DYTN: variants seen among roughly 807,000 people sequenced by gnomAD.
DYTN encodes the protein dystrotelin.
A neutral mutation model predicts 69.6 loss-of-function variants in DYTN; 75 were observed. The ratio of observed to expected loss-of-function variants is 1.08; its 90% CI spans 0.89 to 1.31. The LOEUF is 1.31. Among genes scored for constraint, DYTN ranks in the 50% most tolerant of loss-of-function variants. The pLI is 0.00. For missense variants in DYTN, 726 were observed against 688.4 expected (o/e 1.05, Z -0.61); for synonymous variants, 252 against 249.1 (o/e 1.01, Z -0.11).
At chr2:206,692,107 T>C (rs1177556390) in intron 9 of DYTN, among the ~76,000 whole-genome samples, 1 of 151,864 alleles carries the variant, frequency 6.6e-6, no homozygotes, top group African/African-American at 2.4e-5. Flanking sequence ...GAGACCCCCA[T>C]CTCTATAAAA....
chr2:206,703,075 C>T (rs1045716164), intron 5 of DYTN, among the ~76,000 whole-genome samples: 4 of 152,168 alleles, frequency 2.6e-5, no homozygotes, highest in Admixed American at 1.3e-4. Flanking sequence ...AAGACCTTCT[C>T]AGGAGCATAC....
rs1407838733 is a variant in DYTN at position 206,699,902 on chromosome 2, T to C, written c.556-12A>G. The stretch of plus-strand genomic sequence containing the variant: ...GCTGGGCTCAACACCTGAAAAACAA[T>C]GGCACTCTAAGATGTGTTTTTAGGC... On this transcript the variant is annotated splice_polypyrimidine_tract_variant and intron_variant, in intron 6 of 11. Transcript: ENST00000452335. 5 of 1,610,026 alleles carry C rather than the reference T, an allele frequency of 3.1e-6. No individual in the cohort carries two copies. The highest frequency in any genetic ancestry group is 4.2e-6 in the Non-Finnish European group (5 of 1,178,344).
intron 11 of DYTN, among the ~76,000 whole-genome samples, chr2:206,652,489 TTTAAC>T (rs1295915807): frequency 6.6e-6 from 1 of 152,210 alleles, no homozygotes; most frequent in Non-Finnish European, 1.5e-5. Flanking sequence ...ATGCATAATC[TTTAAC>T]TTAAAGAGTT....
At chr2:206,709,505 A>G (rs887514331) in intron 2 of DYTN, among the ~76,000 whole-genome samples, 11 of 151,996 alleles carry the variant, frequency 7.2e-5, no homozygotes, top group African/African-American at 2.4e-4. Context: ...GGTATGGAAA[A>G]TAGAGAAGGA....
intron 1 of DYTN, 84 bp downstream of exon 1, chr2:206,718,177 C>A: frequency 7.1e-7 from 1 of 1,406,518 alleles, no homozygotes; most frequent in Non-Finnish European, 9.5e-7. Context: ...TACTCTTCTT[C>A]AAATCAGAGG....
intron 9 of DYTN, among the ~76,000 whole-genome samples, chr2:206,690,338 G>C (rs1482778861): frequency 6.6e-6 from 1 of 152,206 alleles, no homozygotes; most frequent in Non-Finnish European, 1.5e-5. Context: ...GTGCAGTGGA[G>C]GACCAAGAGC....
intron 9 of DYTN, among the ~76,000 whole-genome samples, chr2:206,688,269 C>G (rs923372437): frequency 6.6e-6 from 1 of 152,158 alleles, no homozygotes; most frequent in African/African-American, 2.4e-5. Context: ...GCATTAAACT[C>G]ATGGTCAACA....
At position 206,699,957 on chromosome 2, in the gene DYTN, A is replaced by G; in HGVS notation, c.556-67T>C. 3 of 1,565,552 alleles carry G rather than the reference A, an allele frequency of 1.9e-6. No homozygotes were observed. In the South Asian group the frequency reaches 3.7e-5, roughly 19 times the overall value. On this transcript the variant is annotated intron_variant, in intron 6 of 11. Transcript: ENST00000452335. ...CTTGATATTTTCATTTTCTTTTCTG[A>G]CTCTAATTCTGTCAGTTCTGCTGAA...
intron 11 of DYTN, among the ~76,000 whole-genome samples, chr2:206,657,295 T>C (rs1427781445): frequency 6.6e-6 from 1 of 152,060 alleles, no homozygotes; most frequent in East Asian, 1.9e-4. Context: ...CAAAAATTTT[T>C]TGGTAAAGAT....
At chr2:206,679,279 C>T (rs1699724755) in intron 9 of DYTN, 1 of 152,140 alleles carries the variant, frequency 6.6e-6, no homozygotes, top group African/African-American at 2.4e-5. Context: ...TTTACTCACC[C>T]ACCCCCACAA....
At chr2:206,658,822 C>G (rs1699475837) in intron 11 of DYTN, among the ~76,000 whole-genome samples, 1 of 152,174 alleles carries the variant, frequency 6.6e-6, no homozygotes, top group South Asian at 2.1e-4. Context: ...TATCATCACT[C>G]TACTCCTCTG....
chr2:206,668,836 T>C (rs764897042), intron 9 of DYTN, among the ~76,000 whole-genome samples: 2 of 152,046 alleles, frequency 1.3e-5, no homozygotes, highest in African/African-American at 2.4e-5. Context: ...GTTCTCATGA[T>C]AGTGAGTGAG....
chr2:206,672,159 A>T (rs1206005589), intron 9 of DYTN, among the ~76,000 whole-genome samples: 1 of 152,220 alleles, frequency 6.6e-6, no homozygotes, highest in Non-Finnish European at 1.5e-5. Context: ...TATGGTTGAA[A>T]AGGACCTTAG....
At chr2:206,667,799 T>C (rs1412001499) in intron 9 of DYTN, among the ~76,000 whole-genome samples, 7 of 152,094 alleles carry the variant, frequency 4.6e-5, no homozygotes, top group Admixed American at 4.6e-4. Flanking sequence ...TAAAATTGTC[T>C]AAATAAAGTA....
At chr2:206,667,726 G>GTGTGTA (rs934911731) in intron 9 of DYTN, among the ~76,000 whole-genome samples, 4 of 151,280 alleles carry the variant, frequency 2.6e-5, no homozygotes, top group African/African-American at 9.7e-5. Context: ...GTGTGTGTGT[G>GTGTGTA]TGTGTTGACA....
chr2:206,685,305 G>A (rs969636349), intron 9 of DYTN, among the ~76,000 whole-genome samples: 2 of 151,970 alleles, frequency 1.3e-5, no homozygotes, highest in African/African-American at 4.8e-5. Context: ...GGAACCACAG[G>A]CGTGCACCAC....
chr2:206,661,024 G>A (rs1214164174), intron 11 of DYTN, among the ~76,000 whole-genome samples: 2 of 152,100 alleles, frequency 1.3e-5, no homozygotes, highest in Non-Finnish European at 2.9e-5. Context: ...GAGGTCGCTA[G>A]GATGAGCCCT....
chr2:206,713,161 G>A (rs1207721336), intron 1 of DYTN, among the ~76,000 whole-genome samples: 2 of 152,130 alleles, frequency 1.3e-5, no homozygotes, highest in Non-Finnish European at 2.9e-5. Context: ...TGCACAGCAT[G>A]TTTCAAAATA....
chr2:206,692,274 A>G (rs1049768474), intron 9 of DYTN, among the ~76,000 whole-genome samples: 2 of 152,050 alleles, frequency 1.3e-5, no homozygotes, highest in African/African-American at 4.8e-5. Context: ...CTAAAAAAAA[A>G]AAAAAAAAGT....
Sources: gnomAD v4.1 joint callset for allele counts (sites outside exome capture counted in the v4.1 genomes callset) on GRCh38, gnomAD v4.1.1 for gene constraint, MANE v1.5 for transcripts, NCBI Gene and HGNC (gene_info 2026-07-23, HGNC 2026-07-21) for gene names.